Variants in RB1CC1 observed in about 807,000 individuals in gnomAD.
RB1CC1 encodes RB1 inducible coiled-coil 1.
Under a neutral mutation model 177.5 loss-of-function variants are expected in RB1CC1, and 46 were observed. That is an observed-to-expected ratio of 0.26 (90% CI 0.20 to 0.33). The LOEUF (loss-of-function observed/expected upper bound fraction) is 0.33, where lower values mean the gene tolerates loss of function less well. Among genes scored for constraint, RB1CC1 ranks in the 10% least tolerant of loss-of-function variants. RB1CC1 has a pLI of 1.00. For missense variants in RB1CC1, 1,703 were observed against 1,816.3 expected, an observed-to-expected ratio of 0.94 and a Z score of 1.13; for synonymous variants, 666 against 613.6, an observed-to-expected ratio of 1.09 and a Z score of -1.26.
intron 3 of RB1CC1, 115 bp downstream of exon 3, chr8:52,685,284 G>T (rs547213104): frequency 1.9e-5 from 14 of 722,954 alleles, no homozygotes; most frequent in East Asian, 5.9e-5. Flanking sequence ...GATTACAGGC[G>T]TGAGGTACCG....
At chr8:52,673,763 T>C in intron 7 of RB1CC1, 82 bp downstream of exon 7, 2 of 1,289,218 alleles carry the variant, frequency 1.6e-6, no homozygotes, top group Non-Finnish European at 2.1e-6. Flanking sequence ...GTAATACCCA[T>C]TCTCTCAGTA....
At chr8:52,630,329 TA>T in intron 21 of RB1CC1, 140 bp downstream of exon 21, 1 of 987,346 alleles carries the variant, frequency 1.0e-6, no homozygotes, top group Non-Finnish European at 1.4e-6. Flanking sequence ...TGCTTTCCAG[TA>T]AAAAACTTTT....
Position 52,622,978 on chromosome 8 carries a change from T to G in RB1CC1, c.*804A>C, listed in dbSNP as rs1035900111. The G allele has an allele frequency of 2.0e-5, 3 of 152,172 alleles. No individual in the cohort carries two copies. The highest frequency in any genetic ancestry group is 7.2e-5 in the African/African-American group (3 of 41,420). 9.4% of individuals were successfully genotyped at this position (152,172 alleles called of 1,614,324 possible). The stretch of plus-strand genomic sequence containing the variant: ...TTAAATGACCTCTAAATGGTTAATG[T>G]GCAATGAATATCTTTTGTTCTGAAA... On this transcript the variant is annotated 3_prime_UTR_variant, in exon 24 of 24. Coordinates refer to ENST00000025008, the MANE Select transcript of RB1CC1 (RefSeq NM_014781.5).
chr8:52,680,653 A>G (rs1853608184), intron 5 of RB1CC1, among the ~76,000 whole-genome samples: 1 of 152,204 alleles, frequency 6.6e-6, no homozygotes. Flanking sequence ...CTCAATACCT[A>G]CTAGTAGCAG....
At chr8:52,626,509 T>C (rs1848404115) in intron 22 of RB1CC1, among the ~76,000 whole-genome samples, 1 of 152,118 alleles carries the variant, frequency 6.6e-6, no homozygotes, top group South Asian at 2.1e-4. Flanking sequence ...TAAAAAGATA[T>C]TGCAAGTGGG....
chr8:52,623,688 TA>T lies in RB1CC1; in HGVS notation c.*93del. ...GTATATTGTCACGCTGACTTTTGCATAAAAAGATGGCCTGCTGTTTTTGGAG... is the reference window on the plus strand; with the variant it reads ...GTATATTGTCACGCTGACTTTTGCATAAAAGATGGCCTGCTGTTTTTGGAG... On this transcript the variant is annotated 3_prime_UTR_variant, in exon 24 of 24. Transcript: ENST00000025008. 3 of 889,860 alleles carry T rather than the reference TA, an allele frequency of 3.4e-6. No homozygotes were observed. Among genetic ancestry groups the T allele is most frequent in the Non-Finnish European group, 5.6e-6 (3 of 536,638 alleles). 55.1% of individuals were successfully genotyped at this position (889,860 alleles called of 1,614,324 possible).
chr8:52,712,291 G>C (rs1857122903), intron 1 of RB1CC1, among the ~76,000 whole-genome samples: 1 of 152,090 alleles, frequency 6.6e-6, no homozygotes. Context: ...GCAAAGTAAA[G>C]CATGTAGGTG....
At chr8:52,641,040 C>A (rs935233396) in intron 18 of RB1CC1, among the ~76,000 whole-genome samples, 1 of 152,058 alleles carries the variant, frequency 6.6e-6, no homozygotes, top group Admixed American at 6.6e-5. Context: ...AAGGACCCTG[C>A]ACTTACTGGT....
rs186188319 is a variant in RB1CC1 at position 52,657,415 on chromosome 8, G to A, written c.2414C>T (p.Ala805Val). ...TTGTATACTGAAGTGAGAGTCTTGG[G>A]CAACAACTCTACATCTTTCCAACTG... Reference protein sequence around the residue: ...NVQLERCRVVAQDSHFSIQTI... With the variant: ...NVQLERCRVVVQDSHFSIQTI... Residue 805 changes from alanine (A) to valine (V), a missense_variant, in exon 15 of 24, where the codon GCC becomes GTC. Ala to Val is a moderately conservative substitution (Grantham distance 64). This residue lies in a region of RB1CC1 where 1,169 missense variants were observed against 1,184.7 expected (regional missense o/e 0.99). Transcript: ENST00000025008. 254 of 1,613,800 alleles carry A rather than the reference G, an allele frequency of 1.6e-4. 5 individuals carry two copies. The East Asian group carries it at 3.5e-3, about 23-fold the overall frequency.
intron 1 of RB1CC1, among the ~76,000 whole-genome samples, chr8:52,708,680 G>A (rs558862614): frequency 6.6e-6 from 1 of 152,060 alleles, no homozygotes; most frequent in Non-Finnish European, 1.5e-5. Flanking sequence ...TCTCTTATCT[G>A]GGGGGAAAAA....
At chr8:52,663,189 G>A (rs1000018332) in intron 8 of RB1CC1, among the ~76,000 whole-genome samples, 6 of 152,034 alleles carry the variant, frequency 3.9e-5, no homozygotes, top group East Asian at 1.9e-4. Flanking sequence ...TGATAGCACT[G>A]TAGTACTCAC....
At chr8:52,668,315 T>C in intron 7 of RB1CC1, 124 bp from the exon 8 acceptor site, 1 of 1,097,846 alleles carries the variant, frequency 9.1e-7, no homozygotes, top group Non-Finnish European at 1.3e-6. Context: ...AGCAAAAGCA[T>C]GGGAACTCTA....
chr8:52,683,050 C>A (rs1853913017), intron 5 of RB1CC1, among the ~76,000 whole-genome samples: 1 of 151,980 alleles, frequency 6.6e-6, no homozygotes, highest in Admixed American at 6.6e-5. Context: ...AGCTTAATGT[C>A]AATGATATTA....
chr8:52,656,699 G>C lies in RB1CC1; in HGVS notation c.3130C>G (p.Gln1044Glu). Residue 1044 changes from glutamine to glutamate, a missense_variant, in exon 15 of 24, where the codon CAG becomes GAG. Physicochemically the swap from Gln to Glu is conservative, Grantham distance 29 (BLOSUM62 2). Around this residue, in one of 6 missense-constraint regions of RB1CC1, gnomAD observed 1,169 missense variants for 1,184.7 expected, o/e 0.99. Transcript: ENST00000025008. ...TCAGAAACCTTGAGTTTTAATTCCTGTAACTGTTTTTCTTTTTCCTGGATA... is the reference window on the plus strand; with the variant it reads ...TCAGAAACCTTGAGTTTTAATTCCTCTAACTGTTTTTCTTTTTCCTGGATA... ...EIIQEKEKQL[Q>E]ELKLKVSDLS... 2 of 1,613,644 alleles carry C rather than the reference G, an allele frequency of 1.2e-6. No homozygotes were observed. Among genetic ancestry groups the C allele is most frequent in the Non-Finnish European group, 8.5e-7 (1 of 1,179,858 alleles).
intron 1 of RB1CC1, among the ~76,000 whole-genome samples, chr8:52,689,936 G>GA (rs984002621): frequency 1.7e-3 from 247 of 143,656 alleles, no homozygotes; most frequent in African/African-American, 5.9e-3. Context: ...TTTCTCAAAA[G>GA]AAAAAAAAAA....
At position 52,657,736 on chromosome 8, in the gene RB1CC1, T is replaced by C; in HGVS notation, c.2093A>G (p.His698Arg). Residue 698 changes from histidine to arginine, a missense_variant, in exon 15 of 24, where the codon CAT (histidine) becomes CGT (arginine). By Grantham distance (29) the His-to-Arg change is conservative. Transcript: ENST00000025008. ...EELSPDSIDA[H>R]TFDFETIPHP... ...GGGAATAGTTTCAAAATCAAACGTA[T>C]GTGCATCAATACTATCTGGAGATAA... 2 of 1,614,082 alleles carry C rather than the reference T, an allele frequency of 1.2e-6. No homozygotes were observed. Among genetic ancestry groups the C allele is most frequent in the South Asian group, 1.1e-5 (1 of 91,078 alleles).
intron 1 of RB1CC1, among the ~76,000 whole-genome samples, chr8:52,707,833 T>C (rs558682936): frequency 6.2e-4 from 94 of 152,306 alleles, no homozygotes; most frequent in Middle Eastern, 3.4e-3. Context: ...CAACTTGATA[T>C]AGGCTAGATT....
In RB1CC1 at chr8:52,658,859, C is replaced by T. The variant is rs1490960743; in HGVS notation, c.1793+14G>A. The T allele has an allele frequency of 2.0e-6, 3 of 1,513,296 alleles. No individual in the cohort carries two copies. In the East Asian group the frequency reaches 7.0e-5, roughly 35 times the overall value. The allele number at this position is 1,513,296 out of a possible 1,614,324, so 93.7% of individuals were successfully genotyped here. ...TAAGGTTATAAATTAACTGAAAATA[C>T]TAATGACATTTACCTGAGGAATGGC... is the stretch of plus-strand genomic sequence containing the variant. On this transcript the variant is annotated intron_variant, in intron 13 of 23. Coordinates refer to ENST00000025008, the MANE Select transcript of RB1CC1 (RefSeq NM_014781.5).
At chr8:52,637,572 T>A (rs1226008630) in intron 18 of RB1CC1, among the ~76,000 whole-genome samples, 1 of 152,196 alleles carries the variant, frequency 6.6e-6, no homozygotes, top group East Asian at 1.9e-4. Context: ...TTACAGTATT[T>A]TTTTAGAGGA....
Sources: allele counts gnomAD v4.1 joint callset (sites outside exome capture counted in the v4.1 genomes callset), GRCh38; gene constraint gnomAD v4.1.1; regional missense constraint gnomAD v4.1.1; transcripts MANE v1.5; gene names NCBI Gene and HGNC (gene_info 2026-07-23, HGNC 2026-07-21).